ATP10A: variants seen among roughly 807,000 people sequenced by gnomAD.
ATP10A encodes the protein ATPase phospholipid transporting 10A (putative), also known as phospholipid-transporting ATPase VA.
Under a neutral mutation model 147.8 loss-of-function variants are expected in ATP10A, and 111 were observed. The ratio of observed to expected loss-of-function variants is 0.75; its 90% CI spans 0.64 to 0.88. The LOEUF (loss-of-function observed/expected upper bound fraction) is 0.88, where lower values mean the gene tolerates loss of function less well. Among genes scored for constraint, ATP10A ranks in the 40% least tolerant of loss-of-function variants. ATP10A has a pLI of 0.00. For synonymous variants in ATP10A, 875 were observed against 841.6 expected, an observed-to-expected ratio of 1.04 and a Z score of -0.69; for missense variants, 1,927 against 1,959.0, an observed-to-expected ratio of 0.98 and a Z score of 0.31.
chr15:25,772,280 C>T (rs1003454526), intron 2 of ATP10A, among the ~76,000 whole-genome samples: 1 of 152,136 alleles, frequency 6.6e-6, no homozygotes, highest in African/African-American at 2.4e-5. Context: ...GGGCTCTCTC[C>T]TCCGAACGTC....
intron 2 of ATP10A, among the ~76,000 whole-genome samples, chr15:25,775,384 T>C (rs1327945577): frequency 6.6e-6 from 1 of 152,244 alleles, no homozygotes; most frequent in Non-Finnish European, 1.5e-5. Context: ...AAAACCGTGC[T>C]GAGTCAGAGC....
chr15:25,815,655 A>T (rs891107203), intron 1 of ATP10A, among the ~76,000 whole-genome samples: 26 of 152,390 alleles, frequency 1.7e-4, no homozygotes, highest in Admixed American at 1.3e-3. Flanking sequence ...CCCAAAAATG[A>T]ATTCTGCAAA....
At chr15:25,808,855 T>G (rs1386784439) in intron 1 of ATP10A, among the ~76,000 whole-genome samples, 1 of 151,678 alleles carries the variant, frequency 6.6e-6, no homozygotes, top group Non-Finnish European at 1.5e-5. Context: ...TTGAGTGAGG[T>G]GGGATTTGAG....
upstream of ATP10A, chr15:25,863,794 G>C (rs1893884393): frequency 6.6e-6 from 1 of 152,254 alleles, no homozygotes; most frequent in African/African-American, 2.4e-5. Context: ...TGGGAAGGGC[G>C]ATTCCGCGTT....
chr15:25,723,724 G>T (rs962457987), intron 6 of ATP10A, among the ~76,000 whole-genome samples, 167 bp downstream of exon 6: 1 of 152,108 alleles, frequency 6.6e-6, no homozygotes, highest in Non-Finnish European at 1.5e-5. Flanking sequence ...CCCAAGGAAA[G>T]ATCCCATTGG....
At chr15:25,847,085 A>G (rs1470670712) in intron 1 of ATP10A, among the ~76,000 whole-genome samples, 1 of 152,240 alleles carries the variant, frequency 6.6e-6, no homozygotes, top group Non-Finnish European at 1.5e-5. Context: ...TATCCTTGTT[A>G]AATTCTGGGT....
chr15:25,702,193 G>C, intron 12 of ATP10A, 93 bp from the exon 13 acceptor site: 1 of 1,298,408 alleles, frequency 7.7e-7, no homozygotes, highest in Non-Finnish European at 1.1e-6. Flanking sequence ...ATACACCGAA[G>C]GCAGGCACTG....
At chr15:25,836,587 A>C (rs1892606515) in intron 1 of ATP10A, among the ~76,000 whole-genome samples, 1 of 152,164 alleles carries the variant, frequency 6.6e-6, no homozygotes, top group African/African-American at 2.4e-5. Flanking sequence ...GCACCTTCTG[A>C]AGGGTGTCTT....
At chr15:25,765,406 C>A (rs1333035281) in intron 2 of ATP10A, among the ~76,000 whole-genome samples, 2 of 152,174 alleles carry the variant, frequency 1.3e-5, no homozygotes, top group Non-Finnish European at 2.9e-5. Flanking sequence ...TCAGCGTGTC[C>A]AACTTGCTCT....
At chr15:25,855,105 G>A (rs1280737430) in intron 1 of ATP10A, among the ~76,000 whole-genome samples, 1 of 150,224 alleles carries the variant, frequency 6.7e-6, no homozygotes, top group African/African-American at 2.4e-5. Context: ...GTGGAAACAT[G>A]GAAACACTCC....
At chr15:25,742,845 G>C (rs1174655444) in intron 2 of ATP10A, among the ~76,000 whole-genome samples, 1 of 152,194 alleles carries the variant, frequency 6.6e-6, no homozygotes, top group Admixed American at 6.5e-5. Flanking sequence ...GGGTGTCCCT[G>C]CATGAAACCC....
intron 1 of ATP10A, among the ~76,000 whole-genome samples, chr15:25,845,712 C>T (rs2140899662): frequency 6.6e-6 from 1 of 152,256 alleles, no homozygotes; most frequent in Non-Finnish European, 1.5e-5. Flanking sequence ...CCCTAGAGGT[C>T]CTGAGAGCAG....
chr15:25,742,481 T>C (rs1379611853), intron 2 of ATP10A, among the ~76,000 whole-genome samples: 1 of 152,252 alleles, frequency 6.6e-6, no homozygotes, highest in Non-Finnish European at 1.5e-5. Flanking sequence ...CCCCTTGCCT[T>C]TTCTGCCTTT....
At chr15:25,776,556 CG>C (rs1239803286) in intron 2 of ATP10A, among the ~76,000 whole-genome samples, 1 of 152,226 alleles carries the variant, frequency 6.6e-6, no homozygotes, top group Non-Finnish European at 1.5e-5. Context: ...ATGCTCCACA[CG>C]GGGGCCTCTC....
intron 1 of ATP10A, among the ~76,000 whole-genome samples, chr15:25,846,980 T>G (rs1224393910): frequency 6.6e-6 from 1 of 152,188 alleles, no homozygotes; most frequent in Non-Finnish European, 1.5e-5. Flanking sequence ...ATCAAAAACA[T>G]CTGAAGACTG....
intron 13 of ATP10A, among the ~76,000 whole-genome samples, chr15:25,695,815 A>AC (rs919600418): frequency 6.6e-6 from 1 of 151,328 alleles, no homozygotes; most frequent in East Asian, 1.9e-4. Context: ...CCCTTACCTA[A>AC]CCCCCCAAGG....
chr15:25,811,865 C>T (rs912686508), intron 1 of ATP10A, among the ~76,000 whole-genome samples: 2 of 152,322 alleles, frequency 1.3e-5, no homozygotes, highest in South Asian at 4.1e-4. Flanking sequence ...CCTGCATGGA[C>T]TGCTCTCCAC....
intron 1 of ATP10A, among the ~76,000 whole-genome samples, chr15:25,831,449 T>C (rs1172964417): frequency 1.3e-5 from 2 of 152,240 alleles, no homozygotes; most frequent in Non-Finnish European, 2.9e-5. Context: ...TCTCTAAAAA[T>C]ACATGTTCAG....
Position 25,687,692 on chromosome 15 carries a change from C to A in ATP10A, c.3291+11G>T, listed in dbSNP as rs752310076. On this transcript the variant is annotated intron_variant, in intron 16 of 20. Transcript: ENST00000555815. ...CAATCCCAAAACTCTAGACAGGTAT[C>A]CAATACCTACTGTGTTTTTGTAGAA... The A allele has an allele frequency of 6.3e-7, 1 of 1,577,848 alleles. No individual in the cohort carries two copies. Among genetic ancestry groups the A allele is most frequent in the Admixed American group, 1.7e-5 (1 of 57,256 alleles).
Sources: gnomAD v4.1 joint callset for allele counts (sites outside exome capture counted in the v4.1 genomes callset) on GRCh38, gnomAD v4.1.1 for gene constraint, MANE v1.5 for transcripts, NCBI Gene and HGNC (gene_info 2026-07-23, HGNC 2026-07-21) for gene names.